Variants in PCBP3 observed in about 807,000 individuals in gnomAD.
PCBP3 encodes poly(rC)-binding protein 3.
A neutral mutation model predicts 52.7 loss-of-function variants in PCBP3; 25 were observed. The observed-to-expected ratio is 0.47, with a 90% CI of 0.35 to 0.66. The LOEUF (loss-of-function observed/expected upper bound fraction) is 0.66, where lower values mean the gene tolerates loss of function less well. PCBP3 is among the 30% of genes least tolerant of loss of function. The probability of loss-of-function intolerance (pLI) is 0.01; values close to 1 mark genes in which losing one functional copy is unlikely to be tolerated. For missense variants in PCBP3, 391 were observed against 490.3 expected, an observed-to-expected ratio of 0.80 and a Z score of 1.91; for synonymous variants, 162 against 183.0, an observed-to-expected ratio of 0.89 and a Z score of 0.93.
At chr21:45,762,486 C>CTTTTTTTTTTTTTTTT (rs1401689005) in intron 4 of PCBP3, 1 of 95,260 alleles carries the variant, frequency 1.0e-5, no homozygotes, top group African/African-American at 3.3e-5. Context: ...CTTTTCTTTT[C>CTTTTTTTTTTTTTTTT]TTCTCTTTTT....
chr21:45,726,221 C>T (rs568619218), intron 2 of PCBP3, among the ~76,000 whole-genome samples: 1 of 152,088 alleles, frequency 6.6e-6, no homozygotes, highest in African/African-American at 2.4e-5. Flanking sequence ...TGGTCTTGGA[C>T]TTCAGGTAAC....
At chr21:45,657,869 A>G (rs148175698) in intron 1 of PCBP3, among the ~76,000 whole-genome samples, 112 of 152,306 alleles carry the variant, frequency 7.4e-4, no homozygotes, top group African/African-American at 2.3e-3. Flanking sequence ...AGATACTTTT[A>G]ATTCTTTGCT....
At chr21:45,804,439 C>T (rs554806779) in intron 4 of PCBP3, among the ~76,000 whole-genome samples, 34 of 152,230 alleles carry the variant, frequency 2.2e-4, no homozygotes, top group Admixed American at 7.8e-4. Flanking sequence ...TGAAACAGCA[C>T]GATTAACTGG....
At chr21:45,733,723 C>T (rs1461138188) in intron 2 of PCBP3, among the ~76,000 whole-genome samples, 1 of 152,182 alleles carries the variant, frequency 6.6e-6, no homozygotes, top group African/African-American at 2.4e-5. Flanking sequence ...GCTTCAGCCT[C>T]CCAAGTAGTT....
chr21:45,882,763 A>G (rs1316213854), intron 5 of PCBP3, among the ~76,000 whole-genome samples: 1 of 152,098 alleles, frequency 6.6e-6, no homozygotes, highest in Non-Finnish European at 1.5e-5. Context: ...TTTCCCCAAC[A>G]CCGTTTATTG....
At chr21:45,858,029 C>T (rs2094370198) in intron 5 of PCBP3, among the ~76,000 whole-genome samples, 1 of 152,234 alleles carries the variant, frequency 6.6e-6, no homozygotes, top group Non-Finnish European at 1.5e-5. Context: ...TCCTCAGACC[C>T]ACCCTGCACT....
intron 13 of PCBP3, among the ~76,000 whole-genome samples, chr21:45,925,893 A>G (rs2075339588): frequency 6.6e-6 from 1 of 152,218 alleles, no homozygotes; most frequent in Non-Finnish European, 1.5e-5. Context: ...TCCATGAGTG[A>G]TAGGCCAAGT....
rs74611997 is a variant in PCBP3, at chr21:45,737,010, A to G, written c.-162+1581A>G. Among the ~76,000 whole-genome samples, 1,299 of 152,184 alleles carry G rather than the reference A, an allele frequency of 8.5e-3. 50 individuals carry two copies. The East Asian group carries it at 0.13, about 15-fold the overall frequency. On this transcript the variant is annotated intron_variant, in intron 3 of 17. Transcript: ENST00000681687. The surrounding 1 kb of genome is among the most constrained non-coding windows in gnomAD (Gnocchi z 4.9). ...GGTGCACGTGTGAGCCCCTTGGTGC[A>G]GGAGGTGAGGAGCTGCAGGGCCAAG...
At chr21:45,816,007 AGTGAGTG>A (rs1310840462) in intron 4 of PCBP3, among the ~76,000 whole-genome samples, 1 of 104,860 alleles carries the variant, frequency 9.5e-6, no homozygotes, top group African/African-American at 4.0e-5. Context: ...GTGAGTGGTG[AGTGAGTG>A]GTGAGTAGTG....
At chr21:45,932,156 G>A (rs2076297056) in intron 15 of PCBP3, among the ~76,000 whole-genome samples, 1 of 151,538 alleles carries the variant, frequency 6.6e-6, no homozygotes, top group South Asian at 2.1e-4. Flanking sequence ...ATGCCATCCT[G>A]AGATGAATGA....
chr21:45,914,195 G>A, intron 12 of PCBP3, 170 bp downstream of exon 12: 1 of 1,160,218 alleles, frequency 8.6e-7, no homozygotes. Flanking sequence ...CGGACGCAGG[G>A]GGCCTTCAGA....
chr21:45,822,016 C>T lies in PCBP3; in HGVS notation c.-125-27945C>T, dbSNP rs1188145971. On this transcript the variant is annotated intron_variant, in intron 4 of 17. Transcript: ENST00000681687. ...ATGAGCCTTGAGAAATGATATTCCA[C>T]ATGCTCATCCTCTGGAGGACACCTG... Among the ~76,000 whole-genome samples, 4 of 152,344 alleles carry T rather than the reference C, an allele frequency of 2.6e-5. 1 individual carries two copies. Among genetic ancestry groups the T allele is most frequent in the East Asian group, 3.9e-4 (2 of 5,186 alleles).
chr21:45,746,215 G>A (rs1215960776), intron 3 of PCBP3, among the ~76,000 whole-genome samples: 3 of 116,188 alleles, frequency 2.6e-5, no homozygotes, highest in African/African-American at 7.8e-5. Context: ...TTGACGTAGC[G>A]CACACGGTGT....
chr21:45,879,583 CA>C (rs1369603659), intron 5 of PCBP3, among the ~76,000 whole-genome samples: 7 of 152,080 alleles, frequency 4.6e-5, no homozygotes, highest in African/African-American at 1.4e-4. Context: ...TAAAGCCTAA[CA>C]AATTTAAAAT....
At chr21:45,734,880 A>T (rs2085742178) in intron 2 of PCBP3, among the ~76,000 whole-genome samples, 1 of 152,132 alleles carries the variant, frequency 6.6e-6, no homozygotes, top group African/African-American at 2.4e-5. Flanking sequence ...ACATCACTGG[A>T]CAGAGGCCGG....
intron 5 of PCBP3, among the ~76,000 whole-genome samples, chr21:45,883,942 T>C (rs2095459871): frequency 1.3e-5 from 2 of 152,202 alleles, no homozygotes; most frequent in Non-Finnish European, 2.9e-5. Context: ...TTATCTTTTG[T>C]ATTTATTTAT....
At position 45,859,323 on chromosome 21, in the gene PCBP3, GCCAGCGA is replaced by G; in HGVS notation, c.10+9229_10+9235del. Among the ~76,000 whole-genome samples, 3 of 13,172 alleles carry G rather than the reference GCCAGCGA, an allele frequency of 2.3e-4. No individual in the cohort carries two copies. In the South Asian group the frequency reaches 0.011, roughly 50 times the overall value. The allele number at this position is 13,172 out of a possible 152,430, so 8.6% of individuals were successfully genotyped here. A position where few individuals can be genotyped will look rare whatever the true frequency, so the allele number is the denominator to read the frequency against. ...CGGGAGGCGCTGTGCAGCAGAGGTG[GCCAGCGA>G]GTCAGGGTACAAGGCCAGAGAGGGT... On this transcript the variant is annotated intron_variant, in intron 5 of 17. Coordinates refer to ENST00000681687, the MANE Select transcript of PCBP3 (RefSeq NM_001384156.1).
intron 5 of PCBP3, among the ~76,000 whole-genome samples, chr21:45,887,597 G>A (rs746337249): frequency 3.3e-5 from 5 of 152,256 alleles, no homozygotes; most frequent in African/African-American, 1.2e-4. Context: ...CAGTGGCCTC[G>A]TTCCCCAGCT....
At chr21:45,659,851 T>C (rs2080269512) in intron 1 of PCBP3, among the ~76,000 whole-genome samples, 1 of 152,198 alleles carries the variant, frequency 6.6e-6, no homozygotes, top group Non-Finnish European at 1.5e-5. Flanking sequence ...TTGGGACTTA[T>C]TTTCTTGGCT....
Sources: allele counts gnomAD v4.1 joint callset (sites outside exome capture counted in the v4.1 genomes callset), GRCh38; gene constraint gnomAD v4.1.1; non-coding constraint Gnocchi (gnomAD v3.1); transcripts MANE v1.5; gene names NCBI Gene and HGNC (gene_info 2026-07-23, HGNC 2026-07-21).